The following BAX variants were observed in gnomAD, a reference collection of about 807,000 sequenced individuals.
The protein encoded by BAX is apoptosis regulator BAX.
Under a neutral mutation model 26.8 loss-of-function variants are expected in BAX, and 21 were observed. That is an observed-to-expected ratio of 0.78 (90% CI 0.56 to 1.13). BAX has a LOEUF of 1.13. BAX is among the 50% of genes most tolerant of loss of function. BAX has a pLI of 0.00. For missense variants in BAX, 236 were observed against 254.6 expected, an observed-to-expected ratio of 0.93 and a Z score of 0.50; for synonymous variants, 110 against 101.8, an observed-to-expected ratio of 1.08 and a Z score of -0.49.
At chr19:48,960,649 C>A (rs547126022) in intron 4 of BAX, among the ~76,000 whole-genome samples, 161 bp from the exon 5 acceptor site, 2 of 152,236 alleles carry the variant, frequency 1.3e-5, no homozygotes, top group Non-Finnish European at 2.9e-5. Context: ...AGGCATGAGC[C>A]GCCGCACCTG....
At chr19:48,960,354 C>A in intron 4 of BAX, 1 of 351,330 alleles carries the variant, frequency 2.8e-6, no homozygotes, top group Non-Finnish European at 5.7e-6. Context: ...CCACCACACC[C>A]AGCTAATTTT....
intron 1 of BAX, chr19:48,955,325 C>A: frequency 2.0e-6 from 1 of 511,494 alleles, no homozygotes; most frequent in Non-Finnish European, 3.3e-6. Context: ...TAGCGTTCCC[C>A]TAGCCTCTTT....
At chr19:48,955,000 C>T (rs1228339440) in intron 1 of BAX, 38 bp downstream of exon 1, 1 of 1,240,134 alleles carries the variant, frequency 8.1e-7, no homozygotes, top group Admixed American at 3.8e-5. Context: ...GAGGGCGAGC[C>T]CCCTCGCCGG....
chr19:48,958,647 G>A (rs150782154), intron 4 of BAX, among the ~76,000 whole-genome samples: 4 of 151,466 alleles, frequency 2.6e-5, no homozygotes, highest in East Asian at 2.0e-4. Flanking sequence ...GGGTTTAAGC[G>A]ATTCTCTTGC....
intron 4 of BAX, 130 bp from the exon 5 acceptor site, chr19:48,960,680 A>C: frequency 1.2e-6 from 1 of 849,586 alleles, no homozygotes; most frequent in Middle Eastern, 3.6e-4. Flanking sequence ...CAATTTTTGA[A>C]GCCGACTTCA....
chr19:48,960,766 T>A (rs1362818337), intron 4 of BAX, 44 bp from the exon 5 acceptor site: 1 of 1,508,356 alleles, frequency 6.6e-7, no homozygotes, highest in South Asian at 1.2e-5. Flanking sequence ...CTCCAGGCAG[T>A]GGGGACAAGG....
intron 5 of BAX, chr19:48,961,125 A>C: frequency 6.4e-7 from 1 of 1,552,976 alleles, no homozygotes; most frequent in Non-Finnish European, 8.7e-7. Context: ...TACCCTGCTG[A>C]CCTCCCAGTG....
chr19:48,961,464 C>G, intron 5 of BAX, 68 bp from the exon 6 acceptor site: 2 of 1,402,632 alleles, frequency 1.4e-6, no homozygotes, highest in Non-Finnish European at 2.0e-6. Context: ...CGTCCCTGAT[C>G]CCGCCTCTGC....
In BAX at chr19:48,960,818, C is replaced by A; in HGVS notation, c.378C>A (p.Cys126Ter). ...FASKLVLKAL[C>*]TKVPELIRTI... is the part of the protein sequence containing the mutation. Reference sequence around the variant, plus strand: ...CACTCCACTCCCCACAGGCCCTGTGCACCAAGGTGCCGGAACTGATCAGAA... The same window carrying A: ...CACTCCACTCCCCACAGGCCCTGTGAACCAAGGTGCCGGAACTGATCAGAA... The change falls in exon 5 of 6, where the codon TGC (cysteine) becomes TGA (stop). Residue 126 changes from cysteine to a stop codon, truncating the protein, a stop_gained. Coordinates refer to ENST00000345358, the MANE Select transcript of BAX (RefSeq NM_138761.4). LOFTEE classifies it high-confidence loss of function. 1 of 1,611,026 alleles carries A rather than the reference C, an allele frequency of 6.2e-7. No homozygotes were observed. Among genetic ancestry groups the A allele is most frequent in the Non-Finnish European group, 8.5e-7 (1 of 1,177,660 alleles).
chr19:48,958,880 G>T (rs994467484), intron 4 of BAX, among the ~76,000 whole-genome samples: 2 of 150,940 alleles, frequency 1.3e-5, no homozygotes, highest in African/African-American at 4.9e-5. Context: ...TCAAGATTGA[G>T]CTGATGGGGC....
rs776216778 is a variant in BAX at position 48,955,536 on chromosome 19, T to G, written c.35-12T>G. On this transcript the variant is annotated splice_polypyrimidine_tract_variant and intron_variant, in intron 1 of 5. Transcript: ENST00000345358. ...AGAGTCCAGGTACCTCTTCCCTTCC[T>G]TTCTCCTCTAGGGCCCACCAGCTCT... 1.9e-6 allele frequency: 3 copies of G among 1,609,772 alleles called. No individual in the cohort carries two copies. In the Admixed American group the frequency reaches 5.1e-5, roughly 27 times the overall value.
chr19:48,954,949 G>A lies in BAX; in HGVS notation c.21G>A (p.Gln7=), dbSNP rs2038063190. Residue 7 remains glutamine, a synonymous_variant, in exon 1 of 6, where the codon CAG becomes CAA. Transcript: ENST00000345358. Reference sequence around the variant, plus strand: ...CGGTGATGGACGGGTCCGGGGAGCAGCCCAGAGGCGGGGGTGAGGCGGGAG... The same window carrying A: ...CGGTGATGGACGGGTCCGGGGAGCAACCCAGAGGCGGGGGTGAGGCGGGAG... MDGSGE[Q]PRGGGPTSSE... 13 of 1,246,178 alleles carry A rather than the reference G, an allele frequency of 1.0e-5. No individual in the cohort carries two copies. The highest frequency in any genetic ancestry group is 1.3e-5 in the Non-Finnish European group (13 of 993,966). 77.2% of individuals were successfully genotyped at this position (1,246,178 alleles called of 1,614,324 possible).
At position 48,961,769 on chromosome 19, in the gene BAX, G is replaced by C; in HGVS notation, c.*133G>C. 1.2e-6 allele frequency: 1 copy of C among 829,796 alleles called. No homozygotes were observed. The highest frequency in any genetic ancestry group is 1.9e-6 in the Non-Finnish European group (1 of 533,736). The allele number at this position is 829,796 out of a possible 1,614,324, so 51.4% of individuals were successfully genotyped here. On this transcript the variant is annotated 3_prime_UTR_variant, in exon 6 of 6. Transcript: ENST00000345358. The stretch of plus-strand genomic sequence containing the variant: ...GGGGGGTGTGGGGAAGAGTGGTCTT[G>C]AGGGGGTAATAAACCTCCTTCGGGA...
intron 5 of BAX, chr19:48,961,135 G>A: frequency 6.5e-7 from 1 of 1,545,008 alleles, no homozygotes; most frequent in East Asian, 2.3e-5. Flanking sequence ...ACCTCCCAGT[G>A]ACCCCTGACC....
Position 48,955,709 on chromosome 19 carries a change from C to T in BAX, c.109C>T (p.Arg37Ter). The T allele has an allele frequency of 1.9e-6, 3 of 1,612,328 alleles. No individual in the cohort carries two copies. The highest frequency in any genetic ancestry group is 2.5e-6 in the Non-Finnish European group (3 of 1,178,994). The change falls in exon 3 of 6, where the codon CGA becomes TGA. Residue 37 changes from arginine (R) to a stop codon, truncating the protein, a stop_gained. Transcript: ENST00000345358. LOFTEE classifies it high-confidence loss of function. The part of the protein sequence containing the change: ...LQGFIQDRAG[R>*]MGGEAPELAL... Reference sequence around the variant, plus strand: ...TAGTTTCATCCAGGATCGAGCAGGGCGAATGGGGGGGGAGGCACCCGAGCT... The same window carrying T: ...TAGTTTCATCCAGGATCGAGCAGGGTGAATGGGGGGGGAGGCACCCGAGCT...
chr19:48,958,631 C>T (rs1485814575), intron 4 of BAX, among the ~76,000 whole-genome samples: 1 of 151,748 alleles, frequency 6.6e-6, no homozygotes, highest in Non-Finnish European at 1.5e-5. Context: ...GCAACCTCCA[C>T]CTCCTGGGTT....
intron 4 of BAX, among the ~76,000 whole-genome samples, chr19:48,959,901 G>T (rs976273668): frequency 6.6e-6 from 1 of 150,904 alleles, no homozygotes; most frequent in Middle Eastern, 3.4e-3. Flanking sequence ...GCTGGGGCAG[G>T]AGAATTGCTT....
At chr19:48,955,228 T>A (rs1245168696) in intron 1 of BAX, 1 of 424,714 alleles carries the variant, frequency 2.4e-6, no homozygotes, top group Non-Finnish European at 4.0e-6. Flanking sequence ...GGCCCGGGCT[T>A]GTCGCCCGCA....
rs1233311167 is a variant in BAX at position 48,955,535 on chromosome 19, C to A, written c.35-13C>A. The A allele has an allele frequency of 6.2e-7, 1 of 1,609,566 alleles. No homozygotes were observed. Among genetic ancestry groups the A allele is most frequent in the Admixed American group, 1.7e-5 (1 of 59,134 alleles). On this transcript the variant is annotated splice_polypyrimidine_tract_variant and intron_variant, in intron 1 of 5. Transcript: ENST00000345358. ...AAGAGTCCAGGTACCTCTTCCCTTC[C>A]TTTCTCCTCTAGGGCCCACCAGCTC...
Sources: allele counts gnomAD v4.1 joint callset (sites outside exome capture counted in the v4.1 genomes callset), GRCh38; gene constraint gnomAD v4.1.1; transcripts MANE v1.5; gene names NCBI Gene and HGNC (gene_info 2026-07-23, HGNC 2026-07-21).